The following C1QTNF9B variants were observed in gnomAD, a reference collection of about 807,000 sequenced individuals.
C1QTNF9B encodes C1q and TNF related 9B, also known as complement C1q and tumor necrosis factor-related protein 9B.
C1QTNF9B carries 9 observed loss-of-function variants against 10.1 expected under a neutral mutation model. The ratio of observed to expected loss-of-function variants is 0.89; its 90% CI spans 0.53 to 1.55. C1QTNF9B has a LOEUF of 1.55. C1QTNF9B is among the 40% of genes most tolerant of loss of function. The probability of loss-of-function intolerance (pLI) is 0.00; values close to 1 mark genes in which losing one functional copy is unlikely to be tolerated. For synonymous variants in C1QTNF9B, 79 were observed against 159.9 expected (o/e 0.49, Z 3.82); for missense variants, 196 against 414.4 (o/e 0.47, Z 4.58).
intron 2 of C1QTNF9B, 132 bp downstream of exon 4, chr13:23,894,007 C>T: frequency 5.3e-6 from 6 of 1,141,362 alleles, no homozygotes; most frequent in Non-Finnish European, 7.6e-6. Context: ...CTGCAGAATC[C>T]CCCCATCTGG....
chr13:23,895,754 CAT>C (rs546081529), intron 1 of C1QTNF9B, among the ~76,000 whole-genome samples: 7 of 141,030 alleles, frequency 5.0e-5, no homozygotes. Context: ...CAGACACAGA[CAT>C]ACACACACAC....
At chr13:23,891,531 G>C in exon 3 of C1QTNF9B, 1 of 1,608,078 alleles carries the variant, frequency 6.2e-7, no homozygotes, top group Non-Finnish European at 8.5e-7. Context: ...ACAGTGATGT[G>C]GTAGGTGAAG....
exon 3 of C1QTNF9B, chr13:23,891,800 C>T (rs780561001): frequency 1.1e-5 from 17 of 1,613,938 alleles, no homozygotes; most frequent in Middle Eastern, 1.6e-4. Flanking sequence ...TCCAGCTTCT[C>T]CCTTGGGACC....
chr13:23,894,966 A>T (rs954358663), intron 1 of C1QTNF9B, among the ~76,000 whole-genome samples: 11 of 152,174 alleles, frequency 7.2e-5, no homozygotes, highest in Non-Finnish European at 1.6e-4. Context: ...AGACCCACTG[A>T]CGTGGCTGTG....
intron 2 of C1QTNF9B, among the ~76,000 whole-genome samples, chr13:23,892,696 T>A (rs1872055078): frequency 6.6e-6 from 1 of 152,012 alleles, no homozygotes; most frequent in South Asian, 2.1e-4. Flanking sequence ...TACACACGTG[T>A]GTGCACATGG....
At chr13:23,894,337 G>A (rs1872123324) in intron 1 of C1QTNF9B, 136 bp from the exon 4 acceptor site, 2 of 852,432 alleles carry the variant, frequency 2.3e-6, no homozygotes, top group South Asian at 1.5e-5. Context: ...CTCCACACGA[G>A]CGCAGGTGGA....
At chr13:23,891,904 G>A (rs147006375) in exon 3 of C1QTNF9B, 13 of 1,613,800 alleles carry the variant, frequency 8.1e-6, no homozygotes, top group Admixed American at 3.3e-5. Context: ...TGGGACCCAC[G>A]TCACCCTTAT....
At chr13:23,894,087 G>C in intron 2 of C1QTNF9B, 52 bp downstream of exon 4, 1 of 1,353,504 alleles carries the variant, frequency 7.4e-7, no homozygotes, top group Non-Finnish European at 1.1e-6. Flanking sequence ...TGGTAATATT[G>C]TTAAATAGTC....
At position 23,896,348 on chromosome 13, in the gene C1QTNF9B, T is replaced by A. The variant is rs532855600; in HGVS notation, c.166+473A>T. ...TCATAAGCAGCAGCTGTATGTGTCA[T>A]CTGTCACTCCGCATCTCCTGCTTCA... On this transcript the variant is annotated intron_variant, in intron 1 of 2. Transcript: ENST00000382137. 3.8e-4 allele frequency among the ~76,000 whole-genome samples: 58 copies of A among 152,330 alleles called. No individual in the cohort carries two copies. The South Asian group carries it at 4.1e-3, about 11-fold the overall frequency.
intron 2 of C1QTNF9B, among the ~76,000 whole-genome samples, chr13:23,892,730 C>T (rs1317321949): frequency 6.6e-6 from 1 of 152,220 alleles, no homozygotes; most frequent in African/African-American, 2.4e-5. Context: ...CATCCCAACA[C>T]ACCTTTTGAC....
chr13:23,896,252 G>T (rs530859688), intron 1 of C1QTNF9B, among the ~76,000 whole-genome samples: 2 of 152,274 alleles, frequency 1.3e-5, no homozygotes, highest in Admixed American at 1.3e-4. Context: ...AGACTTCCAG[G>T]CTTTGGCAAA....
exon 1 of C1QTNF9B, chr13:23,896,838 C>T: frequency 6.2e-7 from 1 of 1,613,064 alleles, no homozygotes; most frequent in Non-Finnish European, 8.5e-7. Flanking sequence ...GCCTTTGTCA[C>T]CCTTCGCTCC....
intron 1 of C1QTNF9B, among the ~76,000 whole-genome samples, chr13:23,895,793 G>A (rs1872180356): frequency 7.0e-6 from 1 of 143,694 alleles, no homozygotes; most frequent in Non-Finnish European, 1.6e-5. Flanking sequence ...ACACCACTGT[G>A]GTCACAGTGT....
At chr13:23,892,999 G>A (rs986054098) in intron 2 of C1QTNF9B, among the ~76,000 whole-genome samples, 2 of 151,892 alleles carry the variant, frequency 1.3e-5, no homozygotes, top group Admixed American at 6.6e-5. Context: ...CTATCCCACC[G>A]GCAATTCATC....
intron 2 of C1QTNF9B, among the ~76,000 whole-genome samples, chr13:23,893,064 G>A (rs1453688836): frequency 5.3e-5 from 8 of 152,144 alleles, no homozygotes; most frequent in Non-Finnish European, 7.3e-5. Flanking sequence ...AAGAGCCGTC[G>A]TTGCAAGTGT....
upstream of C1QTNF9B, chr13:23,897,362 T>G (rs1430256069): frequency 3.3e-6 from 1 of 304,480 alleles, no homozygotes; most frequent in East Asian, 5.7e-5. Context: ...AAAATCAAAT[T>G]TTATCACAAT....
chr13:23,893,690 G>T (rs1393248785), intron 2 of C1QTNF9B, among the ~76,000 whole-genome samples: 2 of 152,118 alleles, frequency 1.3e-5, no homozygotes, highest in Non-Finnish European at 2.9e-5. Flanking sequence ...GGGTGGTCTG[G>T]AACTCCTAGG....
intron 1 of C1QTNF9B, chr13:23,894,661 C>T (rs1464996731): frequency 4.4e-6 from 2 of 458,414 alleles, no homozygotes; most frequent in Non-Finnish European, 8.7e-6. Context: ...ACACAGATGA[C>T]TATGGTTACG....
In C1QTNF9B at chr13:23,894,302, C is replaced by T; in HGVS notation, c.167-101G>A. 15 of 1,118,780 alleles carry T rather than the reference C, an allele frequency of 1.3e-5. 1 individual carries two copies. In the South Asian group the frequency reaches 1.8e-4, roughly 13 times the overall value. The allele number at this position is 1,118,780 out of a possible 1,614,324, so 69.3% of individuals were successfully genotyped here. A position where few individuals can be genotyped will look rare whatever the true frequency, so the allele number is the denominator to read the frequency against. ...CATGTGTTGGAGAGTCTGGGGGTGA[C>T]CCCCGCCCTGACGGGCACTCTGTCC... On this transcript the variant is annotated intron_variant, in intron 1 of 2. Transcript: ENST00000382137.
Sources: allele counts gnomAD v4.1 joint callset (sites outside exome capture counted in the v4.1 genomes callset), GRCh38; gene constraint gnomAD v4.1.1; transcripts MANE v1.5; gene names NCBI Gene and HGNC (gene_info 2026-07-23, HGNC 2026-07-21).